The following NPAS3 variants were observed in gnomAD, a reference collection of about 807,000 sequenced individuals.
The protein encoded by NPAS3 is neuronal PAS domain protein 3.
NPAS3 carries 14 observed loss-of-function variants against 73.1 expected under a neutral mutation model. The observed-to-expected ratio is 0.19, with a 90% CI of 0.13 to 0.30. NPAS3 has a LOEUF of 0.30. Ranked by LOEUF, NPAS3 falls within the 10% of genes least tolerant of loss-of-function variation. NPAS3 has a pLI of 1.00. For synonymous variants in NPAS3, 620 were observed against 541.5 expected (o/e 1.14, Z -2.01); for missense variants, 1,096 against 1,250.0 (o/e 0.88, Z 1.86).
intron 1 of NPAS3, among the ~76,000 whole-genome samples, chr14:33,018,153 A>G (rs1226440659): frequency 1.3e-5 from 2 of 152,220 alleles, no homozygotes; most frequent in Non-Finnish European, 2.9e-5. Flanking sequence ...GGTGGACACA[A>G]AGGCACAAAC....
chr14:33,573,088 A>T (rs2056293300), intron 5 of NPAS3, among the ~76,000 whole-genome samples: 1 of 152,076 alleles, frequency 6.6e-6, no homozygotes, highest in South Asian at 2.1e-4. Flanking sequence ...TTGTGAAAAC[A>T]TCAGTAAAGT....
chr14:33,420,093 TG>T (rs1445528534), intron 4 of NPAS3, among the ~76,000 whole-genome samples: 1 of 152,028 alleles, frequency 6.6e-6, no homozygotes, highest in African/African-American at 2.4e-5. Context: ...GTTGAAAAGA[TG>T]GTCTTCAAAG....
chr14:33,627,228 G>A (rs917433924), intron 5 of NPAS3, among the ~76,000 whole-genome samples: 3 of 152,148 alleles, frequency 2.0e-5, no homozygotes, highest in African/African-American at 4.8e-5. Flanking sequence ...ACAAATGTGA[G>A]ATCATGAGGA....
At chr14:33,215,125 T>A in intron 2 of NPAS3, 57 bp from the exon 3 acceptor site, 1 of 1,551,484 alleles carries the variant, frequency 6.4e-7, no homozygotes, top group Non-Finnish European at 8.8e-7. Flanking sequence ...AAGCAGTATT[T>A]GAATGATGAC....
intron 2 of NPAS3, among the ~76,000 whole-genome samples, chr14:33,181,073 T>C (rs1200956135): frequency 6.6e-6 from 1 of 152,178 alleles, no homozygotes; most frequent in African/African-American, 2.4e-5. Context: ...CTTCACCTCA[T>C]ATGGCATTTA....
intron 3 of NPAS3, among the ~76,000 whole-genome samples, chr14:33,351,832 G>A (rs1023591366): frequency 6.6e-6 from 1 of 152,282 alleles, no homozygotes; most frequent in South Asian, 2.1e-4. Flanking sequence ...TCACTCATAA[G>A]TGGGAGTTGA....
intron 3 of NPAS3, among the ~76,000 whole-genome samples, chr14:33,228,045 G>T (rs2047701982): frequency 6.6e-6 from 1 of 152,176 alleles, no homozygotes; most frequent in Non-Finnish European, 1.5e-5. Context: ...ACCGTCTACT[G>T]CAGTGAGCTG....
chr14:33,676,382 C>T, exon 6 of NPAS3: 1 of 1,559,666 alleles, frequency 6.4e-7, no homozygotes, highest in South Asian at 1.2e-5. Flanking sequence ...GACCCCCGAG[C>T]CAGGTGGGAA....
intron 1 of NPAS3, among the ~76,000 whole-genome samples, chr14:33,016,059 C>T (rs1222523044): frequency 6.6e-6 from 1 of 151,800 alleles, no homozygotes; most frequent in African/African-American, 2.4e-5. Context: ...TTCATCTCTA[C>T]TGATTGTCTC....
At chr14:33,054,159 T>C (rs1052874923) in intron 1 of NPAS3, among the ~76,000 whole-genome samples, 5 of 152,194 alleles carry the variant, frequency 3.3e-5, no homozygotes, top group African/African-American at 4.8e-5. Flanking sequence ...TTGAATCTTT[T>C]AAACCTGGGC....
chr14:33,611,570 ACT>A (rs941719976), intron 5 of NPAS3, among the ~76,000 whole-genome samples: 2 of 152,162 alleles, frequency 1.3e-5, no homozygotes, highest in African/African-American at 4.8e-5. Flanking sequence ...GGGAATGCTA[ACT>A]CTAACACTAC....
intron 7 of NPAS3, among the ~76,000 whole-genome samples, chr14:33,754,921 C>T (rs753387681): frequency 9.9e-5 from 15 of 151,974 alleles, no homozygotes; most frequent in South Asian, 2.1e-4. Context: ...GTCTCATAGA[C>T]GAGACCATGG....
At chr14:32,949,385 T>G (rs2036393199) in intron 1 of NPAS3, among the ~76,000 whole-genome samples, 1 of 152,054 alleles carries the variant, frequency 6.6e-6, no homozygotes, top group Admixed American at 6.6e-5. Flanking sequence ...ATCTGTGTAG[T>G]GGAACAAATT....
chr14:32,957,403 G>A lies in NPAS3; in HGVS notation c.50+18037G>A, dbSNP rs534063388. Among the ~76,000 whole-genome samples the A allele has an allele frequency of 1.6e-3, 231 of 143,768 alleles. 6 individuals carry two copies. In the South Asian group the frequency reaches 0.033, roughly 21 times the overall value. The allele number at this position is 143,768 out of a possible 152,430, so 94.3% of individuals were successfully genotyped here. A position where few individuals can be genotyped will look rare whatever the true frequency, so the allele number is the denominator to read the frequency against. Reference sequence around the variant, plus strand: ...TTTTTTTTTTTGGAAATGGAGTCTCGCTCTGTGGCGCAGGCTGGAGTGCAG... The same window carrying A: ...TTTTTTTTTTTGGAAATGGAGTCTCACTCTGTGGCGCAGGCTGGAGTGCAG... On this transcript the variant is annotated intron_variant, in intron 1 of 11. Transcript: ENST00000356141.
intron 1 of NPAS3, among the ~76,000 whole-genome samples, chr14:32,941,255 CCT>C (rs2035986719): frequency 2.9e-5 from 1 of 34,902 alleles, no homozygotes; most frequent in African/African-American, 1.4e-4. Context: ...CCTTTCCCCT[CCT>C]CCCTCCTTCC....
At position 33,369,024 on chromosome 14, in the gene NPAS3, G is replaced by T. The variant is rs908791590; in HGVS notation, c.468+1756G>T. On this transcript the variant is annotated intron_variant, in intron 4 of 11. Transcript: ENST00000356141. The stretch of plus-strand genomic sequence containing the variant: ...AAAGGCCTATGAGTAAGGTGTCTCA[G>T]TAATTGCAGTAATTTAAAACTAACA... Among the ~76,000 whole-genome samples, 10 of 152,272 alleles carry T rather than the reference G, an allele frequency of 6.6e-5. No individual in the cohort carries two copies. In the South Asian group the frequency reaches 2.1e-3, roughly 32 times the overall value.
At chr14:33,366,645 C>G (rs1594777877) in intron 3 of NPAS3, among the ~76,000 whole-genome samples, 1 of 152,154 alleles carries the variant, frequency 6.6e-6, no homozygotes, top group South Asian at 2.1e-4. Context: ...GGATGCTTAA[C>G]ACTAGTGCAA....
intron 5 of NPAS3, among the ~76,000 whole-genome samples, chr14:33,595,746 C>CT (rs2057220109): frequency 6.6e-6 from 1 of 152,158 alleles, no homozygotes; most frequent in Admixed American, 6.5e-5. Context: ...TCTCGGCTCA[C>CT]TGCAAGATCC....
At chr14:33,566,397 A>G (rs1000573696) in intron 5 of NPAS3, among the ~76,000 whole-genome samples, 2 of 151,972 alleles carry the variant, frequency 1.3e-5, no homozygotes, top group African/African-American at 4.8e-5. Flanking sequence ...TCCTTGGGGG[A>G]AAAAGTTCCT....
Sources: allele counts gnomAD v4.1 joint callset (sites outside exome capture counted in the v4.1 genomes callset), GRCh38; gene constraint gnomAD v4.1.1; transcripts MANE v1.5; gene names NCBI Gene and HGNC (gene_info 2026-07-23, HGNC 2026-07-21).